LHFPL3: variants seen among roughly 807,000 people sequenced by gnomAD.
LHFPL3 encodes LHFPL tetraspan subfamily member 3 protein.
In LHFPL3, 5 loss-of-function variants were observed where a neutral mutation model predicts 19.3. The observed-to-expected ratio is 0.26, with a 90% CI of 0.14 to 0.54. The LOEUF is 0.54. LHFPL3 is among the 20% of genes least tolerant of loss of function. LHFPL3 has a pLI of 0.94. For missense variants in LHFPL3, 249 were observed against 307.4 expected (o/e 0.81, Z 1.42); for synonymous variants, 133 against 126.2 (o/e 1.05, Z -0.36).
At chr7:104,859,433 C>T (rs1293599054) in intron 2 of LHFPL3, among the ~76,000 whole-genome samples, 1 of 152,092 alleles carries the variant, frequency 6.6e-6, no homozygotes, top group East Asian at 1.9e-4. Flanking sequence ...CTTTGGGAGG[C>T]TGAGGCAGGC....
At chr7:104,749,450 G>A (rs1004323352) in intron 2 of LHFPL3, among the ~76,000 whole-genome samples, 3 of 152,172 alleles carry the variant, frequency 2.0e-5, no homozygotes, top group African/African-American at 7.2e-5. Context: ...CTGAAACCTG[G>A]TGGCTGGTTC....
At chr7:104,575,319 G>C (rs1790305131) in intron 1 of LHFPL3, among the ~76,000 whole-genome samples, 1 of 151,920 alleles carries the variant, frequency 6.6e-6, no homozygotes, top group African/African-American at 2.4e-5. Flanking sequence ...TTCTGTTCAA[G>C]GGTTTTCATT....
At position 104,750,066 on chromosome 7, in the gene LHFPL3, C is replaced by A. The variant is rs1253471876; in HGVS notation, c.682+13155C>A. Among the ~76,000 whole-genome samples, 9 of 152,246 alleles carry A rather than the reference C, an allele frequency of 5.9e-5. No individual in the cohort carries two copies. The East Asian group carries it at 1.7e-3, about 29-fold the overall frequency. Reference sequence around the variant, plus strand: ...CCCATTGTTGTAATAAATCTCGACCCCACAGATTAAGAGGAATTGAAGTAA... The same window carrying A: ...CCCATTGTTGTAATAAATCTCGACCACACAGATTAAGAGGAATTGAAGTAA... On this transcript the variant is annotated intron_variant, in intron 2 of 2. Transcript: ENST00000424859.
At position 104,667,702 on chromosome 7, in the gene LHFPL3, A is replaced by G. The variant is rs944365929; in HGVS notation, c.446-68973A>G. 8.0e-5 allele frequency: 108 copies of G among 1,344,560 alleles called. No homozygotes were observed. In the Middle Eastern group the frequency reaches 2.5e-3, roughly 31 times the overall value. The allele number at this position is 1,344,560 out of a possible 1,614,324, so 83.3% of individuals were successfully genotyped here. On this transcript the variant is annotated intron_variant, in intron 1 of 2. Coordinates refer to ENST00000424859, the MANE Select transcript of LHFPL3 (RefSeq NM_199000.3). The stretch of plus-strand genomic sequence containing the variant: ...CCATTATACATGCAATTTACAACTT[A>G]GAGGAGTACTTAAAGAAATACAAGG...
At chr7:104,329,516 G>C (rs1406583842) in intron 1 of LHFPL3, among the ~76,000 whole-genome samples, 1 of 152,258 alleles carries the variant, frequency 6.6e-6, no homozygotes, top group Non-Finnish European at 1.5e-5. Flanking sequence ...AGTCCGCTCA[G>C]AACTAAGGAT....
chr7:104,897,641 T>G (rs889568582), intron 2 of LHFPL3, among the ~76,000 whole-genome samples: 2 of 152,140 alleles, frequency 1.3e-5, no homozygotes, highest in African/African-American at 4.8e-5. Context: ...TACAGAGTAT[T>G]TAGAAGAAAG....
At chr7:104,813,125 A>T (rs1488227266) in intron 2 of LHFPL3, among the ~76,000 whole-genome samples, 1 of 151,922 alleles carries the variant, frequency 6.6e-6, no homozygotes, top group Non-Finnish European at 1.5e-5. Context: ...GGGAGAAAAA[A>T]AAATTAGATG....
intron 1 of LHFPL3, among the ~76,000 whole-genome samples, chr7:104,437,919 G>T (rs1333237510): frequency 6.6e-6 from 1 of 152,120 alleles, no homozygotes; most frequent in African/African-American, 2.4e-5. Context: ...CCTTCTCAGA[G>T]CATGAGGGAT....
At chr7:104,671,274 T>C (rs890967958) in intron 1 of LHFPL3, among the ~76,000 whole-genome samples, 3 of 151,932 alleles carry the variant, frequency 2.0e-5, no homozygotes, top group Admixed American at 6.6e-5. Context: ...AAAAAAAAAC[T>C]ATTGATTGTA....
chr7:104,336,493 CT>C (rs1789812122), intron 1 of LHFPL3, among the ~76,000 whole-genome samples: 1 of 127,852 alleles, frequency 7.8e-6, no homozygotes, highest in South Asian at 2.8e-4. Flanking sequence ...CATTTCTCAC[CT>C]TTTTTGCTTA....
chr7:104,496,707 A>G (rs1029693850), intron 1 of LHFPL3, among the ~76,000 whole-genome samples: 1 of 152,186 alleles, frequency 6.6e-6, no homozygotes, highest in Non-Finnish European at 1.5e-5. Context: ...GCTGGTTCCA[A>G]AGTCTGCATT....
chr7:104,644,790 G>A (rs1369901304), intron 1 of LHFPL3, among the ~76,000 whole-genome samples: 1 of 152,058 alleles, frequency 6.6e-6, no homozygotes, highest in Non-Finnish European at 1.5e-5. Flanking sequence ...CTATCCCAGT[G>A]GTTTCCCGGC....
intron 1 of LHFPL3, among the ~76,000 whole-genome samples, chr7:104,601,402 A>C (rs1790964361): frequency 6.6e-6 from 1 of 152,200 alleles, no homozygotes; most frequent in East Asian, 1.9e-4. Flanking sequence ...TGTTCTAGGT[A>C]CTAGAGATAC....
chr7:104,527,845 T>A (rs1161034098), intron 1 of LHFPL3, among the ~76,000 whole-genome samples: 1 of 152,200 alleles, frequency 6.6e-6, no homozygotes, highest in Non-Finnish European at 1.5e-5. Flanking sequence ...GGAATATCCA[T>A]TTACTACTGT....
intron 1 of LHFPL3, chr7:104,669,700 T>C: frequency 8.9e-7 from 1 of 1,128,204 alleles, no homozygotes; most frequent in Non-Finnish European, 1.3e-6. Context: ...TTTCTTACCT[T>C]TTTTTTAAAA....
intron 1 of LHFPL3, among the ~76,000 whole-genome samples, chr7:104,622,123 T>C (rs531524385): frequency 1.1e-4 from 17 of 152,204 alleles, no homozygotes; most frequent in Non-Finnish European, 2.4e-4. Context: ...TTTCTTTTTT[T>C]AGACATCTCT....
intron 1 of LHFPL3, among the ~76,000 whole-genome samples, chr7:104,502,038 G>C (rs756122045): frequency 6.6e-6 from 1 of 152,180 alleles, no homozygotes; most frequent in Non-Finnish European, 1.5e-5. Flanking sequence ...GTGGAAATTA[G>C]ATTCCTGAAG....
At chr7:104,475,155 G>A (rs1023130429) in intron 1 of LHFPL3, among the ~76,000 whole-genome samples, 3 of 152,178 alleles carry the variant, frequency 2.0e-5, no homozygotes, top group Non-Finnish European at 4.4e-5. Context: ...CTTAGTACAG[G>A]TGGTAAAACC....
At chr7:104,698,835 C>T (rs1793047954) in intron 1 of LHFPL3, among the ~76,000 whole-genome samples, 1 of 152,118 alleles carries the variant, frequency 6.6e-6, no homozygotes, top group African/African-American at 2.4e-5. Flanking sequence ...GTATAAAGAA[C>T]TCCTACAACT....
Sources: allele counts gnomAD v4.1 joint callset (sites outside exome capture counted in the v4.1 genomes callset), GRCh38; gene constraint gnomAD v4.1.1; transcripts MANE v1.5; gene names NCBI Gene and HGNC (gene_info 2026-07-23, HGNC 2026-07-21).